PTPN13: variants seen among roughly 807,000 people sequenced by gnomAD.
The protein encoded by PTPN13 is protein tyrosine phosphatase non-receptor type 13, also known as tyrosine-protein phosphatase non-receptor type 13.
A neutral mutation model predicts 284.0 loss-of-function variants in PTPN13; 191 were observed. The ratio of observed to expected loss-of-function variants is 0.67; its 90% CI spans 0.60 to 0.76. The LOEUF is 0.76. PTPN13 is among the 30% of genes least tolerant of loss of function. The pLI is 0.00. For missense variants in PTPN13, 2,797 were observed against 2,939.9 expected, an observed-to-expected ratio of 0.95 and a Z score of 1.12; for synonymous variants, 986 against 1,022.3, an observed-to-expected ratio of 0.96 and a Z score of 0.68.
At chr4:86,726,364 T>C (rs1481307726) in intron 10 of PTPN13, among the ~76,000 whole-genome samples, 1 of 149,460 alleles carries the variant, frequency 6.7e-6, no homozygotes, top group Non-Finnish European at 1.5e-5. Flanking sequence ...AGAAAGTCAT[T>C]GGTAGTCTGA....
chr4:86,662,465 G>A (rs1249920394), intron 2 of PTPN13, among the ~76,000 whole-genome samples: 3 of 152,000 alleles, frequency 2.0e-5, no homozygotes, highest in African/African-American at 7.3e-5. Flanking sequence ...CCAAATACCT[G>A]GAACTATAAG....
chr4:86,716,220 C>T (rs1030181111), intron 7 of PTPN13, among the ~76,000 whole-genome samples: 1 of 152,152 alleles, frequency 6.6e-6, no homozygotes, highest in Non-Finnish European at 1.5e-5. Context: ...GCGATGTGCA[C>T]TATTATTATA....
intron 7 of PTPN13, among the ~76,000 whole-genome samples, chr4:86,709,070 T>TACAC (rs57695851): frequency 1.1e-4 from 16 of 149,934 alleles, no homozygotes; most frequent in African/African-American, 2.4e-4. Context: ...CACACACACA[T>TACAC]ACACACACAC....
chr4:86,656,275 T>A (rs1725795573), intron 2 of PTPN13, among the ~76,000 whole-genome samples: 1 of 152,234 alleles, frequency 6.6e-6, no homozygotes, highest in Admixed American at 6.5e-5. Flanking sequence ...CTTTGTTGCG[T>A]TTCTGGCAAG....
At chr4:86,694,768 C>G (rs1268893039) in intron 6 of PTPN13, among the ~76,000 whole-genome samples, 1 of 151,928 alleles carries the variant, frequency 6.6e-6, no homozygotes, top group African/African-American at 2.4e-5. Flanking sequence ...TCATGATAAT[C>G]TAAACATTAA....
chr4:86,796,744 TC>T (rs1565603008), intron 40 of PTPN13, 129 bp from the exon 41 acceptor site: 1 of 627,908 alleles, frequency 1.6e-6, no homozygotes, highest in African/African-American at 1.9e-5. Flanking sequence ...TAATTGAATG[TC>T]ATATGTGTCT....
chr4:86,683,183 A>G (rs957561965), intron 3 of PTPN13, among the ~76,000 whole-genome samples: 1 of 151,894 alleles, frequency 6.6e-6, no homozygotes, highest in Non-Finnish European at 1.5e-5. Context: ...ATTTGTATGT[A>G]TAGAGAGGTT....
chr4:86,650,844 A>G (rs1308695412), intron 2 of PTPN13, among the ~76,000 whole-genome samples: 1 of 152,228 alleles, frequency 6.6e-6, no homozygotes, highest in African/African-American at 2.4e-5. Flanking sequence ...TTTTCTAAAT[A>G]CAAGATCATA....
chr4:86,670,136 CAGTCCT>C (rs1428114821), intron 2 of PTPN13, among the ~76,000 whole-genome samples: 1 of 147,838 alleles, frequency 6.8e-6, no homozygotes, highest in African/African-American at 2.5e-5. Context: ...CCCTAGGGCT[CAGTCCT>C]TGGTCTTCAT....
At chr4:86,769,407 C>T (rs1042573954) in intron 28 of PTPN13, among the ~76,000 whole-genome samples, 2 of 152,146 alleles carry the variant, frequency 1.3e-5, no homozygotes, top group African/African-American at 4.8e-5. Context: ...TCAAGCAACC[C>T]TCCTACTTCG....
chr4:86,761,122 ATG>A (rs1169228191), intron 23 of PTPN13, among the ~76,000 whole-genome samples: 57 of 125,554 alleles, frequency 4.5e-4, no homozygotes, highest in African/African-American at 1.4e-3. Context: ...TATATATGTG[ATG>A]TGTGTGTGTG....
At chr4:86,714,960 T>G (rs1445837031) in intron 7 of PTPN13, among the ~76,000 whole-genome samples, 1 of 152,136 alleles carries the variant, frequency 6.6e-6, no homozygotes, top group Non-Finnish European at 1.5e-5. Flanking sequence ...TCAGCCTTTA[T>G]GTGGTCATAG....
chr4:86,701,219 TGATA>T lies in PTPN13; in HGVS notation c.635-18_635-15del. On this transcript the variant is annotated intron_variant, in intron 6 of 47. Transcript: ENST00000411767. ...ATTTTCTAAAAATTGTGTGCATACA[TGATA>T]GATTCTTATCATTCCAGGAAGAAGC... 3 of 1,499,656 alleles carry T rather than the reference TGATA, an allele frequency of 2.0e-6. No homozygotes were observed. Among genetic ancestry groups the T allele is most frequent in the Non-Finnish European group, 2.7e-6 (3 of 1,117,278 alleles). The allele number at this position is 1,499,656 out of a possible 1,614,324, so 92.9% of individuals were successfully genotyped here.
intron 40 of PTPN13, among the ~76,000 whole-genome samples, chr4:86,793,419 C>G (rs1053041195): frequency 6.6e-6 from 1 of 152,008 alleles, no homozygotes; most frequent in Non-Finnish European, 1.5e-5. Context: ...ACTTTAACAC[C>G]CCACTGTCAA....
chr4:86,774,265 C>T (rs1234296886), intron 32 of PTPN13, 108 bp from the exon 33 acceptor site: 1 of 1,110,420 alleles, frequency 9.0e-7, no homozygotes, highest in Non-Finnish European at 1.3e-6. Context: ...GTTAAGTAAC[C>T]TTTTAAGGTT....
intron 20 of PTPN13, among the ~76,000 whole-genome samples, chr4:86,757,509 C>T: frequency 6.6e-6 from 1 of 152,086 alleles, no homozygotes. Flanking sequence ...GTGGCTCACA[C>T]CTGAAATTCC....
chr4:86,774,211 AGACT>A (rs1740339053), intron 32 of PTPN13, among the ~76,000 whole-genome samples, 158 bp from the exon 33 acceptor site: 1 of 152,160 alleles, frequency 6.6e-6, no homozygotes, highest in African/African-American at 2.4e-5. Flanking sequence ...AGAATCAGAC[AGACT>A]GTCTAGAGTC....
Position 86,750,907 on chromosome 4 carries a change from C to G in PTPN13, c.3068+20C>G, listed in dbSNP as rs149254944. On this transcript the variant is annotated intron_variant, in intron 18 of 47. Coordinates refer to ENST00000411767, the MANE Select transcript of PTPN13 (RefSeq NM_080683.3). ...TAATAAGTAAGAACATATTAACTAA[C>G]CCAATTACATATTTGTAAATTCTAC... 1 of 1,597,760 alleles carries G rather than the reference C, an allele frequency of 6.3e-7. No homozygotes were observed. Among genetic ancestry groups the G allele is most frequent in the African/African-American group, 1.3e-5 (1 of 74,314 alleles).
At chr4:86,665,861 A>T (rs1727008116) in intron 2 of PTPN13, among the ~76,000 whole-genome samples, 1 of 152,078 alleles carries the variant, frequency 6.6e-6, no homozygotes, top group Non-Finnish European at 1.5e-5. Flanking sequence ...ATTGAGGAAA[A>T]ATTCAAGGAG....
Sources: gnomAD v4.1 joint callset for allele counts (sites outside exome capture counted in the v4.1 genomes callset) on GRCh38, gnomAD v4.1.1 for gene constraint, MANE v1.5 for transcripts, NCBI Gene and HGNC (gene_info 2026-07-23, HGNC 2026-07-21) for gene names.